The following CTNNB1 variants were observed in gnomAD, a reference collection of about 807,000 sequenced individuals.
CTNNB1 encodes catenin beta-1.
CTNNB1 carries 6 observed loss-of-function variants against 82.5 expected under a neutral mutation model. The observed-to-expected ratio is 0.07, with a 90% CI of 0.04 to 0.14. CTNNB1 has a LOEUF of 0.14. Among genes scored for constraint, CTNNB1 ranks in the 10% least tolerant of loss-of-function variants. The pLI is 1.00. For missense variants in CTNNB1, 529 were observed against 980.4 expected (o/e 0.54, Z 6.15); for synonymous variants, 312 against 329.7 (o/e 0.95, Z 0.58).
chr3:41,219,558 T>C (rs555109655), intron 1 of CTNNB1, among the ~76,000 whole-genome samples: 26 of 152,310 alleles, frequency 1.7e-4, no homozygotes, highest in South Asian at 4.1e-4. Flanking sequence ...TATGAACTTA[T>C]TGGAATTTAA....
chr3:41,215,175 A>C (rs1310040510), intron 1 of CTNNB1, among the ~76,000 whole-genome samples: 1 of 149,036 alleles, frequency 6.7e-6, no homozygotes, highest in Admixed American at 6.8e-5. Flanking sequence ...CAGGAGTTCA[A>C]GATCAGCCTA....
At position 41,235,831 on chromosome 3, in the gene CTNNB1, A is replaced by G. The variant is rs1166948733; in HGVS notation, c.1791A>G (p.Pro597=). ...TTATCAGAGGACTAAATACCATTCC[A>G]TTGTTTGTGCAGGTATGTTTTAAGT... ...RIVIRGLNTI[P]LFVQLLYSPI... Residue 597 remains proline, a synonymous_variant, in exon 11 of 15, where the codon CCA becomes CCG. Coordinates refer to ENST00000349496, the MANE Select transcript of CTNNB1 (RefSeq NM_001904.4). The G allele has an allele frequency of 4.3e-6, 7 of 1,614,062 alleles. No individual in the cohort carries two copies. The highest frequency in any genetic ancestry group is 5.9e-6 in the Non-Finnish European group (7 of 1,179,966).
chr3:41,223,068 C>A (rs2078088013), intron 1 of CTNNB1, among the ~76,000 whole-genome samples: 1 of 151,348 alleles, frequency 6.6e-6, no homozygotes. Flanking sequence ...GACCAAAACT[C>A]TGTCTCAAAA....
intron 1 of CTNNB1, among the ~76,000 whole-genome samples, chr3:41,208,181 A>G (rs1460050176): frequency 6.6e-6 from 1 of 152,232 alleles, no homozygotes; most frequent in Non-Finnish European, 1.5e-5. Context: ...TGTTACCTGT[A>G]TGAATTAAGA....
chr3:41,215,688 C>T (rs1426282503), intron 1 of CTNNB1, among the ~76,000 whole-genome samples: 4 of 151,992 alleles, frequency 2.6e-5, no homozygotes, highest in Non-Finnish European at 5.9e-5. Context: ...TACAACACGT[C>T]GAGTAGAGGA....
chr3:41,234,412 A>C, intron 10 of CTNNB1, 115 bp downstream of exon 10: 1 of 989,866 alleles, frequency 1.0e-6, no homozygotes, highest in Middle Eastern at 2.2e-4. Flanking sequence ...CTGAAGAGCT[A>C]ATGACAAAGT....
At position 41,238,359 on chromosome 3, in the gene CTNNB1, C is replaced by CT. The variant is rs1396905350; in HGVS notation, c.2137+288dup. 4.2e-5 allele frequency: 17 copies of CT among 400,074 alleles called. No homozygotes were observed. In the Admixed American group the frequency reaches 7.0e-4, roughly 17 times the overall value. 24.8% of individuals were successfully genotyped at this position (400,074 alleles called of 1,614,324 possible). On this transcript the variant is annotated intron_variant, in intron 14 of 14. Transcript: ENST00000349496. ...TACAATTTACCTGGCTTTTTATTCT[C>CT]TTTTTGGCCAGAGGACTCATAATAC...
chr3:41,205,942 A>G (rs1401872463), intron 1 of CTNNB1, among the ~76,000 whole-genome samples: 6 of 152,152 alleles, frequency 3.9e-5, no homozygotes, highest in African/African-American at 1.2e-4. Context: ...TTTCTTGTGT[A>G]ATATCCCAGA....
intron 1 of CTNNB1, among the ~76,000 whole-genome samples, chr3:41,205,548 T>G (rs1318827901): frequency 6.6e-6 from 1 of 152,076 alleles, no homozygotes; most frequent in Non-Finnish European, 1.5e-5. Flanking sequence ...TGGTGGCAGG[T>G]GCCTGTGATC....
At chr3:41,217,936 ATTAC>A (rs2077952303) in intron 1 of CTNNB1, among the ~76,000 whole-genome samples, 1 of 151,970 alleles carries the variant, frequency 6.6e-6, no homozygotes, top group Admixed American at 6.6e-5. Context: ...TATTTTTTGA[ATTAC>A]TTCAAATGTG....
chr3:41,221,338 CCTT>C (rs908717735), intron 1 of CTNNB1: 4 of 127,080 alleles, frequency 3.1e-5, no homozygotes, highest in Non-Finnish European at 5.4e-5. Flanking sequence ...ATTTATGTAT[CCTT>C]TTTTTTTTTT....
chr3:41,227,592 ATTTG>A (rs1202734020), intron 7 of CTNNB1, among the ~76,000 whole-genome samples: 4 of 152,202 alleles, frequency 2.6e-5, no homozygotes, highest in Middle Eastern at 3.2e-3. Flanking sequence ...GCTTAATAAA[ATTTG>A]TTTGTAATTT....
At chr3:41,218,483 A>G (rs146359750) in intron 1 of CTNNB1, among the ~76,000 whole-genome samples, 39 of 152,284 alleles carry the variant, frequency 2.6e-4, no homozygotes, top group African/African-American at 8.4e-4. Flanking sequence ...AATCTGTCCT[A>G]TTTGTGTATA....
rs747323395 is a variant in CTNNB1, at chr3:41,224,629, C to A, written c.117C>A (p.Ala39=). ...SYLDSGIHSG[A]TTTAPSLSGK... ...TGGACTCTGGAATCCATTCTGGTGC[C>A]ACTACCACAGCTCCTTCTCTGAGTG... The change falls in exon 3 of 15, where the codon GCC becomes GCA. Residue 39 remains alanine, a synonymous_variant. Transcript: ENST00000349496. 6.2e-7 allele frequency: 1 copy of A among 1,613,862 alleles called. No individual in the cohort carries two copies.
rs939380518 is a variant in CTNNB1, at chr3:41,199,574, G to C, written c.-145G>C. On this transcript the variant is annotated 5_prime_UTR_variant, in exon 1 of 15. Transcript: ENST00000349496. ...CGGAGAGCGAGGGGAGGCGGAGACG[G>C]AGGAAGGTCTGAGGAGCAGCTTCAG... is the stretch of plus-strand genomic sequence containing the variant. 1 of 153,294 alleles carries C rather than the reference G, an allele frequency of 6.5e-6. No homozygotes were observed. The highest frequency in any genetic ancestry group is 2.4e-5 in the African/African-American group (1 of 41,460). 9.5% of individuals were successfully genotyped at this position (153,294 alleles called of 1,614,324 possible). A position where few individuals can be genotyped will look rare whatever the true frequency, so the allele number is the denominator to read the frequency against.
intron 1 of CTNNB1, among the ~76,000 whole-genome samples, chr3:41,205,493 G>A (rs375138495): frequency 6.6e-6 from 1 of 152,098 alleles, no homozygotes; most frequent in South Asian, 2.1e-4. Context: ...TCAGGAGTTC[G>A]AGACTAGCCT....
chr3:41,236,286 G>A (rs1401774141), intron 11 of CTNNB1, 63 bp from the exon 12 acceptor site: 24 of 1,597,576 alleles, frequency 1.5e-5, no homozygotes, highest in Non-Finnish European at 2.1e-5. Flanking sequence ...TTGCACCACA[G>A]TGGGGGGCTT....
chr3:41,237,637 A>T (rs17266083), intron 13 of CTNNB1: 4,428 of 190,894 alleles, frequency 0.023, 88 homozygotes, highest in South Asian at 0.051. Flanking sequence ...CTCAGGCTAA[A>T]ACTTTTCTTT....
intron 1 of CTNNB1, among the ~76,000 whole-genome samples, chr3:41,200,601 T>C (rs947307649): frequency 1.4e-4 from 22 of 152,220 alleles, no homozygotes; most frequent in Non-Finnish European, 8.8e-5. Flanking sequence ...CAGCTAAAAT[T>C]GAATTATAGA....
Sources: allele counts gnomAD v4.1 joint callset (sites outside exome capture counted in the v4.1 genomes callset), GRCh38; gene constraint gnomAD v4.1.1; transcripts MANE v1.5; gene names NCBI Gene and HGNC (gene_info 2026-07-23, HGNC 2026-07-21).